Variants in ZNF383 observed in about 807,000 individuals in gnomAD.
The protein encoded by ZNF383 is zinc finger protein 383.
ZNF383 carries 32 observed loss-of-function variants against 44.2 expected under a neutral mutation model. The ratio of observed to expected loss-of-function variants is 0.72; its 90% CI spans 0.55 to 0.97. ZNF383 has a LOEUF of 0.97. Ranked by LOEUF, ZNF383 falls within the 50% of genes least tolerant of loss-of-function variation. ZNF383 has a pLI of 0.00. For missense variants in ZNF383, 487 were observed against 562.5 expected (o/e 0.87, Z 1.36); for synonymous variants, 155 against 186.2 (o/e 0.83, Z 1.36).
At chr19:37,224,300 G>C (rs2145480052) in intron 1 of ZNF383, among the ~76,000 whole-genome samples, 1 of 152,060 alleles carries the variant, frequency 6.6e-6, no homozygotes, top group East Asian at 1.9e-4. Context: ...CTTATTTTTG[G>C]GAATTAATAA....
chr19:37,234,582 G>A (rs2145513754), intron 3 of ZNF383, among the ~76,000 whole-genome samples: 1 of 151,642 alleles, frequency 6.6e-6, no homozygotes, highest in Middle Eastern at 3.4e-3. Flanking sequence ...AGTAGAGACA[G>A]GGTTTCACCG....
intron 1 of ZNF383, among the ~76,000 whole-genome samples, chr19:37,223,238 C>T (rs1246775014): frequency 6.6e-6 from 1 of 152,154 alleles, no homozygotes; most frequent in Non-Finnish European, 1.5e-5. Flanking sequence ...GTGTACCTTA[C>T]AACTACATAA....
At chr19:37,236,325 A>T (rs1175687125) in intron 5 of ZNF383, among the ~76,000 whole-genome samples, 1 of 151,528 alleles carries the variant, frequency 6.6e-6, no homozygotes, top group African/African-American at 2.4e-5. Flanking sequence ...TTACTTCTCT[A>T]AAAAAAACCC....
At chr19:37,228,251 C>T (rs1213254536) in intron 2 of ZNF383, among the ~76,000 whole-genome samples, 1 of 152,154 alleles carries the variant, frequency 6.6e-6, no homozygotes, top group Non-Finnish European at 1.5e-5. Flanking sequence ...TAACAGAGGG[C>T]TCGCATTTTT....
chr19:37,236,270 T>C (rs966045725), intron 5 of ZNF383, among the ~76,000 whole-genome samples, 196 bp downstream of exon 5: 3 of 152,052 alleles, frequency 2.0e-5, no homozygotes, highest in Non-Finnish European at 4.4e-5. Flanking sequence ...CTATTTCTAC[T>C]ACTCCTCTCC....
chr19:37,229,612 A>ATG (rs1202949984), intron 2 of ZNF383, among the ~76,000 whole-genome samples: 9 of 139,800 alleles, frequency 6.4e-5, no homozygotes, highest in Non-Finnish European at 1.2e-4. Context: ...GCATATATAT[A>ATG]TATGTGTGTG....
In ZNF383 at chr19:37,248,450, C is replaced by A. The variant is rs1218698593; in HGVS notation, c.*4786C>A. The A allele has an allele frequency of 6.6e-6, 1 of 152,074 alleles. No individual in the cohort carries two copies. The highest frequency in any genetic ancestry group is 1.9e-4 in the East Asian group (1 of 5,190). The allele number at this position is 152,074 out of a possible 1,614,324, so 9.4% of individuals were successfully genotyped here. A position where few individuals can be genotyped will look rare whatever the true frequency, so the allele number is the denominator to read the frequency against. On this transcript the variant is annotated 3_prime_UTR_variant, in exon 6 of 6. Coordinates refer to ENST00000684119, the MANE Select transcript of ZNF383 (RefSeq NM_001387601.1). Reference sequence around the variant, plus strand: ...GTCACATTCTGAATTTAGGAAAAAACAATTCTGATAAATCAAACTTTCTAC... The same window carrying A: ...GTCACATTCTGAATTTAGGAAAAAAAAATTCTGATAAATCAAACTTTCTAC...
intron 2 of ZNF383, 150 bp from the exon 3 acceptor site, chr19:37,230,259 G>A: frequency 1.8e-6 from 1 of 543,858 alleles, no homozygotes; most frequent in Non-Finnish European, 3.3e-6. Context: ...TAGGATTGAG[G>A]AAGGAGTAGG....
Position 37,245,483 on chromosome 19 carries a change from T to TTTG in ZNF383, c.*1821_*1822insGTT. ...TATTAATTTTTTGTTTGTTTGTTTT[T>TTTG]TTTTTTTTTTGAGATGGAGTTCACT... is the stretch of plus-strand genomic sequence containing the variant. On this transcript the variant is annotated 3_prime_UTR_variant, in exon 6 of 6. Coordinates refer to ENST00000684119, the MANE Select transcript of ZNF383 (RefSeq NM_001387601.1). 1 of 148,834 alleles carries TTTG rather than the reference T, an allele frequency of 6.7e-6. No homozygotes were observed. Among genetic ancestry groups the TTTG allele is most frequent in the East Asian group, 2.0e-4 (1 of 5,050 alleles). The allele number at this position is 148,834 out of a possible 1,614,324, so 9.2% of individuals were successfully genotyped here.
chr19:37,224,495 C>T (rs1973065841), intron 1 of ZNF383, among the ~76,000 whole-genome samples: 1 of 152,090 alleles, frequency 6.6e-6, no homozygotes, highest in African/African-American at 2.4e-5. Flanking sequence ...AGCCACTGAT[C>T]ATTATACTGG....
At position 37,235,233 on chromosome 19, in the gene ZNF383, A is replaced by G. The variant is rs572888471; in HGVS notation, c.10-316A>G. Among the ~76,000 whole-genome samples, 151 of 151,738 alleles carry G rather than the reference A, an allele frequency of 1.0e-3. 1 individual carries two copies. The highest frequency in any genetic ancestry group is 1.7e-3 in the Non-Finnish European group (117 of 67,910). ...GGTTGCGGTGAGCCGACATCATGCC[A>G]CTGCACTCTAGTCTGGGTGACAAAA... On this transcript the variant is annotated intron_variant, in intron 3 of 5. Coordinates refer to ENST00000684119, the MANE Select transcript of ZNF383 (RefSeq NM_001387601.1).
intron 5 of ZNF383, among the ~76,000 whole-genome samples, chr19:37,241,094 A>G (rs1173247595): frequency 6.6e-6 from 1 of 152,208 alleles, no homozygotes; most frequent in East Asian, 1.9e-4. Flanking sequence ...GGTGTGAGCC[A>G]CCATGCCCAG....
chr19:37,221,421 A>C (rs1972911637), intron 1 of ZNF383, among the ~76,000 whole-genome samples: 1 of 151,902 alleles, frequency 6.6e-6, no homozygotes, highest in African/African-American at 2.4e-5. Context: ...ATCTCTACAA[A>C]AAGTACAAAA....
Position 37,222,234 on chromosome 19 carries a change from G to A in ZNF383, c.-167-2584G>A, listed in dbSNP as rs562269697. ...CTTCTTTTGCTCAATATTGTATTTC[G>A]TATGTAATATGAATGTATTCTGTAA... On this transcript the variant is annotated intron_variant, in intron 1 of 5. Transcript: ENST00000684119. Among the ~76,000 whole-genome samples the A allele has an allele frequency of 1.3e-3, 198 of 150,768 alleles. 1 individual carries two copies. Among genetic ancestry groups the A allele is most frequent in the Non-Finnish European group, 2.0e-3 (139 of 67,880 alleles).
At chr19:37,225,564 G>C (rs1015159243) in intron 2 of ZNF383, among the ~76,000 whole-genome samples, 2 of 152,010 alleles carry the variant, frequency 1.3e-5, no homozygotes, top group Admixed American at 6.6e-5. Context: ...CTATGAGTTT[G>C]ACTACCTTAG....
intron 4 of ZNF383, 113 bp from the exon 5 acceptor site, chr19:37,235,866 T>A (rs1192043481): frequency 1.7e-6 from 2 of 1,204,556 alleles, no homozygotes; most frequent in Non-Finnish European, 2.3e-6. Context: ...TGAAGCTTCA[T>A]CTTCATCTTT....
intron 2 of ZNF383, chr19:37,225,177 C>T (rs1973100877): frequency 6.6e-6 from 1 of 152,120 alleles, no homozygotes; most frequent in African/African-American, 2.4e-5. Flanking sequence ...CTCACTGCAA[C>T]CTCTGCCTCC....
At chr19:37,236,643 C>T (rs1178559847) in intron 5 of ZNF383, among the ~76,000 whole-genome samples, 1 of 150,098 alleles carries the variant, frequency 6.7e-6, no homozygotes, top group Non-Finnish European at 1.5e-5. Context: ...GATCTTGGTT[C>T]ACTGCAACCT....
intron 3 of ZNF383, among the ~76,000 whole-genome samples, chr19:37,231,333 G>A (rs1318478719): frequency 6.6e-6 from 1 of 152,038 alleles, no homozygotes; most frequent in East Asian, 1.9e-4. Context: ...AGACTGGGCT[G>A]GCCAACATGG....
Sources: gnomAD v4.1 joint callset for allele counts (sites outside exome capture counted in the v4.1 genomes callset) on GRCh38, gnomAD v4.1.1 for gene constraint, MANE v1.5 for transcripts, NCBI Gene and HGNC (gene_info 2026-07-23, HGNC 2026-07-21) for gene names.